The following CATSPERG variants were observed in gnomAD, a reference collection of about 807,000 sequenced individuals.
The protein encoded by CATSPERG is catsper channel auxiliary subunit gamma, also known as cation channel sperm-associated auxiliary subunit gamma.
In CATSPERG, 115 loss-of-function variants were observed where a neutral mutation model predicts 145.0. That is an observed-to-expected ratio of 0.79 (90% CI 0.68 to 0.93). The LOEUF (loss-of-function observed/expected upper bound fraction) is 0.93, where lower values mean the gene tolerates loss of function less well. CATSPERG is among the 40% of genes least tolerant of loss of function. CATSPERG has a pLI of 0.00. For missense variants in CATSPERG, 1,296 were observed against 1,490.1 expected, an observed-to-expected ratio of 0.87 and a Z score of 2.14; for synonymous variants, 588 against 589.0, an observed-to-expected ratio of 1.00 and a Z score of 0.02.
chr19:38,342,548 C>T lies in CATSPERG; in HGVS notation c.325-1032C>T, dbSNP rs144806877. ...CCAGGAGACAGAGGCTGCAGTGAGT[C>T]GAGATCATGCCACTGCACTGTAGCC... is the stretch of plus-strand genomic sequence containing the variant. On this transcript the variant is annotated intron_variant, in intron 3 of 28. Transcript: ENST00000409235. Among the ~76,000 whole-genome samples the T allele has an allele frequency of 4.5e-3, 663 of 148,302 alleles. 5 individuals carry two copies. The highest frequency in any genetic ancestry group is 0.015 in the African/African-American group (619 of 40,118).
rs1290050716 is a variant in CATSPERG, at chr19:38,362,276, G to A, written c.2157+4G>A. 6.2e-7 allele frequency: 1 copy of A among 1,613,534 alleles called. No homozygotes were observed. The highest frequency in any genetic ancestry group is 1.1e-5 in the South Asian group (1 of 91,074). On this transcript the variant is annotated splice_donor_region_variant and intron_variant, in intron 18 of 28. Coordinates refer to ENST00000409235, the MANE Select transcript of CATSPERG (RefSeq NM_021185.5). Reference sequence around the variant, plus strand: ...GGCGAACAACAAACAAGACCAGGTAGGCGGAGCGGATTGGGAGCCGGGAAA... The same window carrying A: ...GGCGAACAACAAACAAGACCAGGTAAGCGGAGCGGATTGGGAGCCGGGAAA...
chr19:38,367,559 A>T lies in CATSPERG; in HGVS notation c.2821A>T (p.Ser941Cys). Residue 941 changes from serine to cysteine, a missense_variant, in exon 24 of 29, where the codon AGT becomes TGT. Coordinates refer to ENST00000409235, the MANE Select transcript of CATSPERG (RefSeq NM_021185.5). ...IQDLVTGDSG[S>C]FQGSYVLLVV... ...AGATTTGGTGACAGGAGACTCCGGC[A>T]GTTTCCAGGGCAGGTAAAGGCGTGG... The T allele has an allele frequency of 6.2e-7, 1 of 1,614,074 alleles. No individual in the cohort carries two copies. Among genetic ancestry groups the T allele is most frequent in the Middle Eastern group, 1.6e-4 (1 of 6,062 alleles).
intron 1 of CATSPERG, chr19:38,336,941 G>A (rs1250099744): frequency 3.9e-6 from 2 of 516,832 alleles, no homozygotes; most frequent in Non-Finnish European, 7.0e-6. Flanking sequence ...CACGAGGGTC[G>A]GGGGCAGGGC....
rs1265027342 is a variant in CATSPERG, at chr19:38,370,142, C to T, written c.3114-17C>T. ...TGGCTTCTCCTCTAATCCTGGATCCCCTCCCAACCCCTGCAGAGGAGTGGA... is the reference window on the plus strand; with the variant it reads ...TGGCTTCTCCTCTAATCCTGGATCCTCTCCCAACCCCTGCAGAGGAGTGGA... On this transcript the variant is annotated splice_polypyrimidine_tract_variant and intron_variant, in intron 27 of 28. Transcript: ENST00000409235. The T allele has an allele frequency of 6.2e-7, 1 of 1,613,710 alleles. No homozygotes were observed.
intron 8 of CATSPERG, among the ~76,000 whole-genome samples, chr19:38,353,209 CT>C: frequency 6.6e-6 from 1 of 151,308 alleles, no homozygotes; most frequent in East Asian, 2.0e-4. Context: ...TGGTGGGCAC[CT>C]GTTATTCCAG....
chr19:38,337,172 G>T, intron 1 of CATSPERG, 49 bp from the exon 2 acceptor site: 10 of 1,533,262 alleles, frequency 6.5e-6, no homozygotes, highest in Non-Finnish European at 8.8e-6. Flanking sequence ...TTAAAAGTGG[G>T]CTCCAGAGAG....
chr19:38,361,959 T>C lies in CATSPERG; in HGVS notation c.2094+98T>C, dbSNP rs550582990. The C allele has an allele frequency of 1.5e-5, 12 of 805,196 alleles. No homozygotes were observed. In the South Asian group the frequency reaches 1.9e-4, roughly 13 times the overall value. 49.9% of individuals were successfully genotyped at this position (805,196 alleles called of 1,614,324 possible). On this transcript the variant is annotated intron_variant, in intron 17 of 28. Coordinates refer to ENST00000409235, the MANE Select transcript of CATSPERG (RefSeq NM_021185.5). The stretch of plus-strand genomic sequence containing the variant: ...GCCTGTGGAGCGGAGCGCAGCGGGA[T>C]TGGAGAACAGGACTGGTGGTGGGTG...
chr19:38,358,159 C>T (rs554576442), intron 11 of CATSPERG, 119 bp from the exon 12 acceptor site: 51 of 934,590 alleles, frequency 5.5e-5, no homozygotes, highest in African/African-American at 3.2e-4. Flanking sequence ...CTAGCAAACC[C>T]GAGTGGGAAG....
Position 38,343,981 on chromosome 19 carries a change from G to T in CATSPERG, c.470-12G>T, listed in dbSNP as rs1478115436. ...GGCCCCAGCAGTTTCAGTGCCCAGG[G>T]CCTCCCTGCAGAGCCATGCATGGCA... is the stretch of plus-strand genomic sequence containing the variant. On this transcript the variant is annotated splice_polypyrimidine_tract_variant and intron_variant, in intron 4 of 28. Coordinates refer to ENST00000409235, the MANE Select transcript of CATSPERG (RefSeq NM_021185.5). 6.5e-7 allele frequency: 1 copy of T among 1,549,186 alleles called. No individual in the cohort carries two copies. The highest frequency in any genetic ancestry group is 1.4e-5 in the African/African-American group (1 of 72,966).
In CATSPERG at chr19:38,338,124, A is replaced by C. The variant is rs114292308; in HGVS notation, c.324+478A>C. ...CCCACCAAGCACCTAGTAGGTGCTCAAGTAAGCTTTTTTGTTCCATGTTTT... is the reference window on the plus strand; with the variant it reads ...CCCACCAAGCACCTAGTAGGTGCTCCAGTAAGCTTTTTTGTTCCATGTTTT... On this transcript the variant is annotated intron_variant, in intron 3 of 28. Coordinates refer to ENST00000409235, the MANE Select transcript of CATSPERG (RefSeq NM_021185.5). 9.2e-3 allele frequency among the ~76,000 whole-genome samples: 1,388 copies of C among 151,658 alleles called. 18 individuals carry two copies. The highest frequency in any genetic ancestry group is 0.031 in the African/African-American group (1,280 of 41,430).
At position 38,356,563 on chromosome 19, in the gene CATSPERG, G is replaced by T; in HGVS notation, c.1195+20G>T. 6.2e-7 allele frequency: 1 copy of T among 1,611,994 alleles called. No individual in the cohort carries two copies. Among genetic ancestry groups the T allele is most frequent in the Non-Finnish European group, 8.5e-7 (1 of 1,178,664 alleles). On this transcript the variant is annotated intron_variant, in intron 10 of 28. Coordinates refer to ENST00000409235, the MANE Select transcript of CATSPERG (RefSeq NM_021185.5). ...TAGGAGGTACTCATTACCCCGATGG[G>T]TCTGCGGTGGGAGGCTGGGGGAACT...
At chr19:38,360,249 C>A (rs1050885453) in intron 14 of CATSPERG, 12 of 985,036 alleles carry the variant, frequency 1.2e-5, no homozygotes, top group Non-Finnish European at 1.3e-5. Context: ...CCAAACAGAC[C>A]GAAAACATTG....
At chr19:38,346,773 C>G (rs1600452907) in intron 7 of CATSPERG, 168 bp downstream of exon 7, 1 of 663,520 alleles carries the variant, frequency 1.5e-6, no homozygotes, top group East Asian at 3.1e-5. Flanking sequence ...GCCAGAGGGC[C>G]TAGGTTCAAA....
At position 38,364,931 on chromosome 19, in the gene CATSPERG, T is replaced by C. The variant is rs1433686371; in HGVS notation, c.2516T>C (p.Ile839Thr). Residue 839 changes from isoleucine to threonine, a missense_variant, in exon 21 of 29, where the codon ATT (isoleucine) becomes ACT (threonine). Physicochemically the swap from Ile to Thr is moderately conservative, Grantham distance 89. Coordinates refer to ENST00000409235, the MANE Select transcript of CATSPERG (RefSeq NM_021185.5). ...AAAAAGCTTTGCTATGACCAAGGCA[T>C]TAGTGGACATCACCTTATGGAGACT... The part of the protein sequence containing the change: ...KDKKLCYDQG[I>T]SGHHLMETSM... 5.6e-6 allele frequency: 9 copies of C among 1,614,082 alleles called. No individual in the cohort carries two copies. Among genetic ancestry groups the C allele is most frequent in the Non-Finnish European group, 7.6e-6 (9 of 1,179,944 alleles).
chr19:38,348,476 T>G (rs1445219441), intron 7 of CATSPERG, among the ~76,000 whole-genome samples: 1 of 145,510 alleles, frequency 6.9e-6, no homozygotes, highest in Admixed American at 7.2e-5. Flanking sequence ...TTTTTTTTTT[T>G]GTTTTTTTTT....
At position 38,356,486 on chromosome 19, in the gene CATSPERG, G is replaced by A. The variant is rs773092595; in HGVS notation, c.1138G>A (p.Gly380Ser). 7 of 1,614,048 alleles carry A rather than the reference G, an allele frequency of 4.3e-6. No homozygotes were observed. The South Asian group carries it at 5.5e-5, about 13-fold the overall frequency. Residue 380 changes from glycine to serine, a missense_variant and splice_region_variant, in exon 10 of 29, where the codon GGC becomes AGC. By Grantham distance (56) the Gly-to-Ser change is moderately conservative. Transcript: ENST00000409235. ...ATGAACCCGACCTTGCTCTGCAGAT[G>A]GCCAGGTGTCCTTTGAGATGCTGCC... ...GYVHFGTIRD[G>S]QVSFEMLPRQ...
intron 3 of CATSPERG, chr19:38,337,939 A>G: frequency 3.7e-6 from 1 of 269,246 alleles, no homozygotes; most frequent in Non-Finnish European, 7.2e-6. Context: ...CTGGTCTCAA[A>G]CTCCTGACCT....
chr19:38,350,721 G>T (rs543381024), intron 7 of CATSPERG, among the ~76,000 whole-genome samples: 1 of 152,270 alleles, frequency 6.6e-6, no homozygotes, highest in East Asian at 1.9e-4. Context: ...GGGTGTGGTG[G>T]CTCAGGCCTG....
chr19:38,370,335 G>A (rs887589320), intron 28 of CATSPERG, 77 bp downstream of exon 28: 8 of 1,454,070 alleles, frequency 5.5e-6, no homozygotes, highest in African/African-American at 1.4e-5. Flanking sequence ...TTATACCTTC[G>A]CTCATTCATT....
Sources: allele counts gnomAD v4.1 joint callset (sites outside exome capture counted in the v4.1 genomes callset), GRCh38; gene constraint gnomAD v4.1.1; transcripts MANE v1.5; gene names NCBI Gene and HGNC (gene_info 2026-07-23, HGNC 2026-07-21).